Variants in AGMO observed in about 807,000 individuals in gnomAD.
AGMO encodes the protein glyceryl-ether monooxygenase.
A neutral mutation model predicts 60.2 loss-of-function variants in AGMO; 75 were observed. The observed-to-expected ratio is 1.25, with a 90% CI of 1.03 to 1.51. AGMO has a LOEUF of 1.51. Among genes scored for constraint, AGMO ranks in the 40% most tolerant of loss-of-function variants. The pLI is 0.00. For synonymous variants in AGMO, 261 were observed against 177.1 expected (o/e 1.47, Z -3.76); for missense variants, 763 against 525.5 (o/e 1.45, Z -4.42).
intron 12 of AGMO, among the ~76,000 whole-genome samples, chr7:15,206,075 A>T (rs1280414595): frequency 6.6e-6 from 1 of 152,066 alleles, no homozygotes; most frequent in Non-Finnish European, 1.5e-5. Context: ...GACCATTGTC[A>T]GCTGTACAGA....
chr7:15,443,697 A>G (rs1390388202), intron 3 of AGMO, among the ~76,000 whole-genome samples: 2 of 152,130 alleles, frequency 1.3e-5, no homozygotes, highest in East Asian at 3.9e-4. Context: ...AACCCTGCCT[A>G]CCACCTGATT....
chr7:15,209,708 C>A (rs576639081), intron 12 of AGMO, among the ~76,000 whole-genome samples: 3 of 152,044 alleles, frequency 2.0e-5, no homozygotes, highest in Non-Finnish European at 4.4e-5. Context: ...AGAACTGGAC[C>A]CAAGGGTATA....
chr7:15,304,116 A>C (rs879455529), intron 12 of AGMO, among the ~76,000 whole-genome samples: 8 of 152,238 alleles, frequency 5.3e-5, no homozygotes, highest in Non-Finnish European at 1.0e-4. Context: ...GCATCCTCTT[A>C]ATTTTTTATT....
At chr7:15,174,783 A>G in the AGMO span, among the ~76,000 whole-genome samples, 1 of 151,992 alleles carries the variant, frequency 6.6e-6, no homozygotes, top group African/African-American at 2.4e-5. Context: ...TTCCAAAAAT[A>G]TTTTTTCTAT....
chr7:15,130,684 T>C, the AGMO span, among the ~76,000 whole-genome samples: 1 of 151,956 alleles, frequency 6.6e-6, no homozygotes, highest in Non-Finnish European at 1.5e-5. Context: ...ACTTTGCTAT[T>C]GGTTTTATAG....
In AGMO at chr7:15,275,028, T is replaced by G. The variant is rs183352253; in HGVS notation, c.1264-73669A>C. ...TTTTGTTGATCTTTTGTACCATTTT[T>G]TCAGTCTCAATCTCATTTAGTTCTG... On this transcript the variant is annotated intron_variant, in intron 12 of 12. Transcript: ENST00000342526. Among the ~76,000 whole-genome samples the G allele has an allele frequency of 4.6e-3, 702 of 152,198 alleles. 4 individuals carry two copies. Among genetic ancestry groups the G allele is most frequent in the African/African-American group, 0.016 (671 of 41,546 alleles).
chr7:15,451,815 C>G (rs1562514387), intron 3 of AGMO, among the ~76,000 whole-genome samples: 1 of 150,998 alleles, frequency 6.6e-6, no homozygotes, highest in Non-Finnish European at 1.5e-5. Context: ...ATTTATAGAC[C>G]AAAAAAAAGG....
chr7:15,260,567 TG>T (rs1783238464), intron 12 of AGMO, among the ~76,000 whole-genome samples: 1 of 152,066 alleles, frequency 6.6e-6, no homozygotes. Flanking sequence ...ACAATAATAG[TG>T]GGGGACTTTA....
At chr7:15,142,290 G>T in the AGMO span, among the ~76,000 whole-genome samples, 2 of 151,902 alleles carry the variant, frequency 1.3e-5, no homozygotes, top group Non-Finnish European at 2.9e-5. Flanking sequence ...GTTATTATTA[G>T]GGCCCCATTA....
At chr7:15,273,121 CTTTAG>C (rs1231543040) in intron 12 of AGMO, among the ~76,000 whole-genome samples, 2 of 152,230 alleles carry the variant, frequency 1.3e-5, no homozygotes, top group Non-Finnish European at 2.9e-5. Flanking sequence ...TGCAGAAGCT[CTTTAG>C]TTTAATTAGA....
chr7:15,248,349 G>A (rs1417503078), intron 12 of AGMO, among the ~76,000 whole-genome samples: 1 of 150,884 alleles, frequency 6.6e-6, no homozygotes, highest in Admixed American at 6.6e-5. Context: ...GCTGGAAACA[G>A]AGACTGATCA....
rs185895941 is a variant in AGMO, at chr7:15,499,696, G to C, written c.409+45076C>G. 4.1e-3 allele frequency among the ~76,000 whole-genome samples: 624 copies of C among 151,678 alleles called. 4 individuals carry two copies. Among genetic ancestry groups the C allele is most frequent in the African/African-American group, 0.014 (584 of 41,416 alleles). ...AATGAATAAGGGATATATGCACGAG[G>C]CTATTTATTACTTCCAAAGACTGAG... On this transcript the variant is annotated intron_variant, in intron 3 of 12. Coordinates refer to ENST00000342526, the MANE Select transcript of AGMO (RefSeq NM_001004320.2).
At chr7:15,538,892 A>G (rs1044820199) in intron 3 of AGMO, among the ~76,000 whole-genome samples, 2 of 152,148 alleles carry the variant, frequency 1.3e-5, no homozygotes, top group African/African-American at 2.4e-5. Context: ...TGTGATCACT[A>G]CCTTGTTTAC....
chr7:15,509,290 T>A (rs1783609753), intron 3 of AGMO, among the ~76,000 whole-genome samples: 5 of 152,050 alleles, frequency 3.3e-5, no homozygotes, highest in African/African-American at 1.2e-4. Context: ...GTTAACTAAT[T>A]TTCAACAACA....
rs773552643 is a variant in AGMO, at chr7:15,536,636, A to G, written c.409+8136T>C. On this transcript the variant is annotated intron_variant, in intron 3 of 12. Coordinates refer to ENST00000342526, the MANE Select transcript of AGMO (RefSeq NM_001004320.2). ...TAAGCAAGTATCTCAGGTACTTAGT[A>G]TAGGGTTGGTACAAGATAAGTGGTC... Among the ~76,000 whole-genome samples, 7 of 151,910 alleles carry G rather than the reference A, an allele frequency of 4.6e-5. No individual in the cohort carries two copies. In the East Asian group the frequency reaches 9.6e-4, roughly 21 times the overall value.
At chr7:15,463,823 G>A (rs1022961975) in intron 3 of AGMO, among the ~76,000 whole-genome samples, 2 of 152,144 alleles carry the variant, frequency 1.3e-5, no homozygotes, top group Non-Finnish European at 2.9e-5. Context: ...TTTGGTTGTA[G>A]TACTGCTATG....
rs530656709 is a variant in AGMO, at chr7:15,238,730, T to G, written c.1264-37371A>C. 2.6e-5 allele frequency among the ~76,000 whole-genome samples: 4 copies of G among 151,960 alleles called. No homozygotes were observed. The South Asian group carries it at 8.3e-4, about 31-fold the overall frequency. On this transcript the variant is annotated intron_variant, in intron 12 of 12. Coordinates refer to ENST00000342526, the MANE Select transcript of AGMO (RefSeq NM_001004320.2). ...TCAGAGAAATGGAGAAAGTACAAAT[T>G]GCACCAATTAAGGGAAAACTTCCAA... is the stretch of plus-strand genomic sequence containing the variant.
intron 12 of AGMO, among the ~76,000 whole-genome samples, chr7:15,296,740 T>C (rs908824741): frequency 1.3e-5 from 2 of 152,128 alleles, no homozygotes; most frequent in Non-Finnish European, 2.9e-5. Context: ...CAAACCACAA[T>C]GTAGGTACTT....
intron 3 of AGMO, among the ~76,000 whole-genome samples, chr7:15,458,961 CT>C (rs1053331011): frequency 6.6e-6 from 1 of 152,092 alleles, no homozygotes; most frequent in Non-Finnish European, 1.5e-5. Context: ...ACAAAATTAC[CT>C]TTTTTTCAGG....
Sources: gnomAD v4.1 joint callset for allele counts (sites outside exome capture counted in the v4.1 genomes callset) on GRCh38, gnomAD v4.1.1 for gene constraint, MANE v1.5 for transcripts, NCBI Gene and HGNC (gene_info 2026-07-23, HGNC 2026-07-21) for gene names.